PLPP3: variants seen among roughly 807,000 people sequenced by gnomAD.
PLPP3 encodes the protein phospholipid phosphatase 3.
In PLPP3, 6 loss-of-function variants were observed where a neutral mutation model predicts 29.6. That is an observed-to-expected ratio of 0.20 (90% CI 0.11 to 0.40). The LOEUF is 0.40. Among genes scored for constraint, PLPP3 ranks in the 10% least tolerant of loss-of-function variants. The pLI, the probability that PLPP3 is intolerant of heterozygous loss-of-function variation, is 1.00. For missense variants in PLPP3, 308 were observed against 407.7 expected (o/e 0.76, Z 2.11); for synonymous variants, 152 against 159.7 (o/e 0.95, Z 0.36).
intron 5 of PLPP3, among the ~76,000 whole-genome samples, chr1:56,499,337 G>A (rs1645651095): frequency 6.6e-6 from 1 of 152,090 alleles, no homozygotes. Context: ...CCCAGAGAAA[G>A]CCATGCTCTC....
intron 1 of PLPP3, among the ~76,000 whole-genome samples, chr1:56,565,324 C>G (rs955452700): frequency 6.6e-6 from 1 of 152,152 alleles, no homozygotes; most frequent in Non-Finnish European, 1.5e-5. Flanking sequence ...CACCAAACCA[C>G]AAGGACAGTA....
chr1:56,537,588 C>A (rs1327403143), intron 1 of PLPP3, among the ~76,000 whole-genome samples: 1 of 152,060 alleles, frequency 6.6e-6, no homozygotes, highest in Non-Finnish European at 1.5e-5. Context: ...GGATGTGAAC[C>A]CCAGATCCAG....
At chr1:56,519,275 A>G (rs1645803106) in intron 4 of PLPP3, among the ~76,000 whole-genome samples, 2 of 152,058 alleles carry the variant, frequency 1.3e-5, no homozygotes, top group Admixed American at 6.6e-5. Context: ...CTCTATCTTC[A>G]TGTGACTAAC....
intron 1 of PLPP3, among the ~76,000 whole-genome samples, chr1:56,571,373 A>T (rs1024923066): frequency 2.0e-5 from 3 of 152,228 alleles, no homozygotes; most frequent in African/African-American, 7.2e-5. Flanking sequence ...GGCATCACAG[A>T]GATCAAGTAA....
At chr1:56,503,083 GT>G (rs374851821) in intron 5 of PLPP3, among the ~76,000 whole-genome samples, 19 of 149,820 alleles carry the variant, frequency 1.3e-4, no homozygotes, top group South Asian at 4.2e-4. Flanking sequence ...TTTGGCAGCC[GT>G]TTTTTTTTTA....
intron 1 of PLPP3, among the ~76,000 whole-genome samples, chr1:56,559,572 T>TTA (rs1436592953): frequency 5.6e-4 from 85 of 151,258 alleles, no homozygotes; most frequent in Non-Finnish European, 1.1e-3. Context: ...TTTTTTTTTT[T>TTA]ACACTAAGAA....
chr1:56,558,836 G>C (rs1377508676), intron 1 of PLPP3, among the ~76,000 whole-genome samples: 1 of 152,122 alleles, frequency 6.6e-6, no homozygotes, highest in Non-Finnish European at 1.5e-5. Flanking sequence ...TTAAAATTGT[G>C]GTAACTCGTG....
At chr1:56,536,853 G>T in intron 2 of PLPP3, 102 bp downstream of exon 2, 2 of 1,441,548 alleles carry the variant, frequency 1.4e-6, no homozygotes, top group Non-Finnish European at 1.9e-6. Context: ...GAGAAAGTTG[G>T]CTTCTACTTG....
At chr1:56,513,655 C>T (rs545874426) in intron 4 of PLPP3, 2 of 152,088 alleles carry the variant, frequency 1.3e-5, no homozygotes, top group African/African-American at 4.8e-5. Flanking sequence ...ACATGGAAGA[C>T]AGCAGACTAC....
At chr1:56,518,720 T>C (rs1225935307) in intron 4 of PLPP3, among the ~76,000 whole-genome samples, 1 of 144,762 alleles carries the variant, frequency 6.9e-6, no homozygotes, top group African/African-American at 2.7e-5. Context: ...ATCATTTATA[T>C]ATATATATAT....
intron 1 of PLPP3, among the ~76,000 whole-genome samples, chr1:56,541,894 T>C (rs1645972110): frequency 6.6e-6 from 1 of 150,738 alleles, no homozygotes; most frequent in South Asian, 2.1e-4. Context: ...CATCAAACTC[T>C]GAACGCAATA....
At chr1:56,541,754 T>C (rs769859279) in intron 1 of PLPP3, among the ~76,000 whole-genome samples, 1 of 152,078 alleles carries the variant, frequency 6.6e-6, no homozygotes, top group Non-Finnish European at 1.5e-5. Flanking sequence ...TATTAGTAAA[T>C]TAACTGAAGC....
At position 56,494,827 on chromosome 1, in the gene PLPP3, T is replaced by C. The variant is rs901718885; in HGVS notation, c.*1724A>G. 20 of 152,674 alleles carry C rather than the reference T, an allele frequency of 1.3e-4. No homozygotes were observed. Among genetic ancestry groups the C allele is most frequent in the African/African-American group, 4.8e-4 (20 of 41,460 alleles). The allele number at this position is 152,674 out of a possible 1,614,324, so 9.5% of individuals were successfully genotyped here. A position where few individuals can be genotyped will look rare whatever the true frequency, so the allele number is the denominator to read the frequency against. ...ACAAGTATAGTTTCGCAGATACAAG[T>C]TTTCACTTTGTATGCTACAAAAGTC... On this transcript the variant is annotated 3_prime_UTR_variant, in exon 6 of 6. Transcript: ENST00000371250.
At chr1:56,555,449 A>AAC (rs1553139175) in intron 1 of PLPP3, among the ~76,000 whole-genome samples, 282 of 143,462 alleles carry the variant, frequency 2.0e-3, no homozygotes, top group Non-Finnish European at 2.2e-3. Flanking sequence ...AAAAAAAAAA[A>AAC]AAAAAAAAAA....
At chr1:56,554,843 T>G (rs11810204) in intron 1 of PLPP3, among the ~76,000 whole-genome samples, 1 of 152,014 alleles carries the variant, frequency 6.6e-6, no homozygotes, top group Admixed American at 6.5e-5. Context: ...GCACTCCACA[T>G]TGGTTTAAAT....
chr1:56,518,653 A>C (rs1413573774), intron 4 of PLPP3, among the ~76,000 whole-genome samples: 1 of 151,494 alleles, frequency 6.6e-6, no homozygotes, highest in Middle Eastern at 3.4e-3. Flanking sequence ...AGTAGGATAT[A>C]GTAGTGAATG....
chr1:56,502,120 A>G (rs993725462), intron 5 of PLPP3, among the ~76,000 whole-genome samples: 11 of 152,324 alleles, frequency 7.2e-5, no homozygotes, highest in Non-Finnish European at 1.6e-4. Context: ...GTAGGTAGCC[A>G]GGTTCCTCCT....
intron 4 of PLPP3, among the ~76,000 whole-genome samples, chr1:56,521,250 A>T (rs1340659862): frequency 1.3e-5 from 2 of 149,924 alleles, no homozygotes; most frequent in Non-Finnish European, 3.0e-5. Flanking sequence ...AAAAAAAAAA[A>T]AAAAAAGAAG....
chr1:56,536,061 A>C (rs1041568422), intron 2 of PLPP3, among the ~76,000 whole-genome samples: 1 of 152,170 alleles, frequency 6.6e-6, no homozygotes, highest in Non-Finnish European at 1.5e-5. Context: ...ATAATGCCAC[A>C]GAGAGTGACG....
Sources: allele counts gnomAD v4.1 joint callset (sites outside exome capture counted in the v4.1 genomes callset), GRCh38; gene constraint gnomAD v4.1.1; transcripts MANE v1.5; gene names NCBI Gene and HGNC (gene_info 2026-07-23, HGNC 2026-07-21).